The following CTNNA3 variants were observed in gnomAD, a reference collection of about 807,000 sequenced individuals.
CTNNA3 encodes the protein catenin alpha-3.
A neutral mutation model predicts 95.7 loss-of-function variants in CTNNA3; 76 were observed. The ratio of observed to expected loss-of-function variants is 0.79; its 90% CI spans 0.66 to 0.96. The LOEUF (loss-of-function observed/expected upper bound fraction) is 0.96, where lower values mean the gene tolerates loss of function less well. Among genes scored for constraint, CTNNA3 ranks in the 40% least tolerant of loss-of-function variants. CTNNA3 has a pLI of 0.00. For missense variants in CTNNA3, 1,191 were observed against 1,089.8 expected, an observed-to-expected ratio of 1.09 and a Z score of -1.31; for synonymous variants, 431 against 374.4, an observed-to-expected ratio of 1.15 and a Z score of -1.74.
chr10:67,218,748 G>A (rs1360065472), intron 6 of CTNNA3, among the ~76,000 whole-genome samples: 2 of 152,162 alleles, frequency 1.3e-5, no homozygotes, highest in South Asian at 2.1e-4. Context: ...AAAACATGAG[G>A]TGGTTCATGT....
intron 9 of CTNNA3, among the ~76,000 whole-genome samples, chr10:66,746,399 A>G (rs1838874451): frequency 6.6e-6 from 1 of 152,190 alleles, no homozygotes. Flanking sequence ...CTGATTCACC[A>G]TTCTTAACAT....
chr10:67,705,256 G>A (rs1841070927), intron 1 of CTNNA3, among the ~76,000 whole-genome samples: 1 of 152,106 alleles, frequency 6.6e-6, no homozygotes. Flanking sequence ...AATACCATTT[G>A]ACCCAGCCAT....
At chr10:67,737,650 A>G (rs1218312564) in intron 1 of CTNNA3, among the ~76,000 whole-genome samples, 1 of 152,236 alleles carries the variant, frequency 6.6e-6, no homozygotes, top group Non-Finnish European at 1.5e-5. Flanking sequence ...AGACACATGA[A>G]AAAATGCTCA....
chr10:67,205,991 A>G (rs1407376022), intron 6 of CTNNA3, among the ~76,000 whole-genome samples: 1 of 152,210 alleles, frequency 6.6e-6, no homozygotes, highest in Non-Finnish European at 1.5e-5. Flanking sequence ...TCTTTTAAAT[A>G]TAATCATCAA....
At position 66,743,697 on chromosome 10, in the gene CTNNA3, G is replaced by A. The variant is rs573868371; in HGVS notation, c.1281+22567C>T. Among the ~76,000 whole-genome samples the A allele has an allele frequency of 3.3e-5, 5 of 152,156 alleles. No homozygotes were observed. The South Asian group carries it at 8.3e-4, about 25-fold the overall frequency. On this transcript the variant is annotated intron_variant, in intron 9 of 17. Transcript: ENST00000433211. ...GATCCATAGAAAGAAGGAGGAGGAG[G>A]TCGGGTGTGGTGGCTCATGACTGTA...
chr10:67,433,380 A>G (rs759989643), intron 5 of CTNNA3, among the ~76,000 whole-genome samples: 8 of 152,068 alleles, frequency 5.3e-5, no homozygotes, highest in Non-Finnish European at 8.8e-5. Flanking sequence ...ATCACAAATC[A>G]CCATAAAAAT....
chr10:66,731,613 A>C (rs1168514785), intron 9 of CTNNA3, among the ~76,000 whole-genome samples: 4 of 152,204 alleles, frequency 2.6e-5, no homozygotes, highest in Admixed American at 2.6e-4. Context: ...AATATTGAGA[A>C]AACATTTTGA....
rs576027455 is a variant in CTNNA3 at position 66,851,221 on chromosome 10, A to C, written c.1048-75697T>G. Among the ~76,000 whole-genome samples, 5 of 152,106 alleles carry C rather than the reference A, an allele frequency of 3.3e-5. No individual in the cohort carries two copies. The South Asian group carries it at 1.0e-3, about 32-fold the overall frequency. ...CACTTTATGAGCATCCTTTCTTCTG[A>C]GATTTTCTTCACTCATCTCACCAGA... On this transcript the variant is annotated intron_variant, in intron 7 of 17. Coordinates refer to ENST00000433211, the MANE Select transcript of CTNNA3 (RefSeq NM_013266.4).
intron 3 of CTNNA3, among the ~76,000 whole-genome samples, chr10:67,587,229 G>GTGTA (rs1447124477): frequency 1.0e-4 from 15 of 150,736 alleles, no homozygotes; most frequent in East Asian, 9.8e-4. Context: ...GTGTGTGTGT[G>GTGTA]TGTGTGTGTG....
chr10:67,671,675 C>A (rs1840437256), intron 1 of CTNNA3, among the ~76,000 whole-genome samples: 1 of 151,748 alleles, frequency 6.6e-6, no homozygotes, highest in South Asian at 2.1e-4. Context: ...CATGTCCCTA[C>A]AAAGGACATG....
chr10:66,184,791 T>C (rs2086243419), intron 13 of CTNNA3, among the ~76,000 whole-genome samples: 2 of 152,224 alleles, frequency 1.3e-5, no homozygotes, highest in Non-Finnish European at 2.9e-5. Flanking sequence ...ATGTATTGAC[T>C]CTCTTCATTC....
At chr10:67,348,433 T>C (rs1277319089) in intron 5 of CTNNA3, among the ~76,000 whole-genome samples, 1 of 152,098 alleles carries the variant, frequency 6.6e-6, no homozygotes, top group African/African-American at 2.4e-5. Flanking sequence ...AAGGAATACC[T>C]GAGACAGGGT....
intron 10 of CTNNA3, among the ~76,000 whole-genome samples, chr10:66,562,538 A>C (rs912762776): frequency 4.6e-5 from 7 of 152,054 alleles, no homozygotes; most frequent in African/African-American, 7.2e-5. Flanking sequence ...TTTTAAAAGA[A>C]AGCCACCAAA....
chr10:67,082,618 G>A (rs1564879154), intron 7 of CTNNA3, among the ~76,000 whole-genome samples: 1 of 152,066 alleles, frequency 6.6e-6, no homozygotes, highest in Non-Finnish European at 1.5e-5. Context: ...AACTCAGCTG[G>A]CCCGCAGGAG....
intron 5 of CTNNA3, among the ~76,000 whole-genome samples, chr10:67,471,263 A>G (rs1212376456): frequency 6.6e-6 from 1 of 152,238 alleles, no homozygotes; most frequent in Non-Finnish European, 1.5e-5. Context: ...TATAACAACC[A>G]AAAATGTGTC....
At chr10:67,176,343 C>T (rs1223757351) in intron 7 of CTNNA3, among the ~76,000 whole-genome samples, 2 of 152,174 alleles carry the variant, frequency 1.3e-5, no homozygotes, top group African/African-American at 4.8e-5. Context: ...GCATATACAA[C>T]ATGCAATCAT....
intron 9 of CTNNA3, among the ~76,000 whole-genome samples, chr10:66,745,881 G>A (rs1299368543): frequency 2.0e-5 from 3 of 151,866 alleles, no homozygotes; most frequent in African/African-American, 7.3e-5. Context: ...TTACAGGCGT[G>A]AGCCACAGCG....
intron 13 of CTNNA3, among the ~76,000 whole-genome samples, chr10:66,218,371 T>A (rs942454693): frequency 6.6e-6 from 1 of 152,094 alleles, no homozygotes; most frequent in African/African-American, 2.4e-5. Flanking sequence ...CAAGATTAGG[T>A]TGTAAAAGAC....
chr10:66,208,237 G>C (rs2087892383), intron 13 of CTNNA3, among the ~76,000 whole-genome samples: 1 of 152,008 alleles, frequency 6.6e-6, no homozygotes, highest in Non-Finnish European at 1.5e-5. Flanking sequence ...ACAGGACTTA[G>C]TAATTTTGTA....
Sources: gnomAD v4.1 joint callset for allele counts (sites outside exome capture counted in the v4.1 genomes callset) on GRCh38, gnomAD v4.1.1 for gene constraint, MANE v1.5 for transcripts, NCBI Gene and HGNC (gene_info 2026-07-23, HGNC 2026-07-21) for gene names.